MINDY3: variants seen among roughly 807,000 people sequenced by gnomAD.
MINDY3 encodes the protein MINDY lysine 48 deubiquitinase 3.
In MINDY3, 38 loss-of-function variants were observed where a neutral mutation model predicts 69.2. That is an observed-to-expected ratio of 0.55 (90% CI 0.42 to 0.72). The LOEUF is 0.72. MINDY3 is among the 30% of genes least tolerant of loss of function. MINDY3 has a pLI of 0.00. For synonymous variants in MINDY3, 192 were observed against 180.1 expected (o/e 1.07, Z -0.53); for missense variants, 522 against 519.0 (o/e 1.01, Z -0.06).
At chr10:15,833,769 C>A in intron 7 of MINDY3, 60 bp from the exon 8 acceptor site, 1 of 1,072,750 alleles carries the variant, frequency 9.3e-7, no homozygotes, top group Non-Finnish European at 1.4e-6. Context: ...CAAATAATTC[C>A]TACAGCAAAG....
intron 10 of MINDY3, among the ~76,000 whole-genome samples, chr10:15,798,995 T>C (rs1266122378): frequency 1.3e-5 from 2 of 151,958 alleles, no homozygotes; most frequent in Non-Finnish European, 2.9e-5. Flanking sequence ...TGGCAAGCAT[T>C]TTTCTGTAAT....
At chr10:15,838,026 GTTAA>G in intron 5 of MINDY3, 198 bp downstream of exon 5, 1 of 980,194 alleles carries the variant, frequency 1.0e-6, no homozygotes, top group Non-Finnish European at 1.2e-6. Context: ...TATCTGGGTA[GTTAA>G]TTAAGGACTC....
rs140410032 is a variant in MINDY3, at chr10:15,799,864, C to CTGTT, written c.883-3696_883-3693dup. On this transcript the variant is annotated intron_variant, in intron 10 of 14. Coordinates refer to ENST00000277632, the MANE Select transcript of MINDY3 (RefSeq NM_024948.4). ...ATACTTGGCACACTACGAACACTCA[C>CTGTT]TGTTAGCTAACTGCGAGCTTCTCGT... Among the ~76,000 whole-genome samples the CTGTT allele has an allele frequency of 2.2e-4, 33 of 152,252 alleles. No individual in the cohort carries two copies. In the East Asian group the frequency reaches 6.2e-3, roughly 29 times the overall value.
intron 1 of MINDY3, among the ~76,000 whole-genome samples, chr10:15,859,714 G>A (rs149549293): frequency 1.3e-5 from 2 of 152,198 alleles, no homozygotes; most frequent in South Asian, 2.1e-4. Context: ...AGACTACCAC[G>A]CCTAACCACA....
At chr10:15,796,345 C>T (rs368139484) in intron 10 of MINDY3, among the ~76,000 whole-genome samples, 173 bp from the exon 11 acceptor site, 5 of 151,852 alleles carry the variant, frequency 3.3e-5, no homozygotes, top group African/African-American at 1.2e-4. Flanking sequence ...ATTTATTTTA[C>T]GTCTGAAAAG....
chr10:15,823,474 G>A (rs114941459), intron 8 of MINDY3, among the ~76,000 whole-genome samples: 2,345 of 152,194 alleles, frequency 0.015, 49 homozygotes, highest in African/African-American at 0.05. Flanking sequence ...AAGCATTAAA[G>A]GGATTTGCAA....
intron 1 of MINDY3, among the ~76,000 whole-genome samples, chr10:15,853,497 C>A (rs1372522988): frequency 6.6e-6 from 1 of 151,986 alleles, no homozygotes; most frequent in Non-Finnish European, 1.5e-5. Flanking sequence ...CTAAAAAACA[C>A]CCCCATACCC....
chr10:15,837,441 C>A, intron 5 of MINDY3, 123 bp from the exon 6 acceptor site: 6 of 1,262,808 alleles, frequency 4.8e-6, no homozygotes, highest in South Asian at 2.9e-5. Flanking sequence ...AGTTTTGGGA[C>A]GTTTCTAAAT....
At chr10:15,839,393 C>T (rs1446886181) in intron 4 of MINDY3, among the ~76,000 whole-genome samples, 1 of 151,622 alleles carries the variant, frequency 6.6e-6, no homozygotes, top group Non-Finnish European at 1.5e-5. Context: ...ATACACACCA[C>T]ATAAGCCAAT....
intron 6 of MINDY3, among the ~76,000 whole-genome samples, chr10:15,835,320 A>C (rs1350281948): frequency 6.6e-6 from 1 of 152,022 alleles, no homozygotes; most frequent in Non-Finnish European, 1.5e-5. Context: ...ATAAACTGCT[A>C]TTCATTGTTC....
At chr10:15,849,965 G>C (rs764959765) in intron 1 of MINDY3, among the ~76,000 whole-genome samples, 2 of 152,090 alleles carry the variant, frequency 1.3e-5, no homozygotes, top group Non-Finnish European at 2.9e-5. Context: ...TGAATGTTGC[G>C]GGAAGTTAGG....
chr10:15,800,101 A>T (rs573763421), intron 10 of MINDY3, among the ~76,000 whole-genome samples: 2 of 152,168 alleles, frequency 1.3e-5, no homozygotes, highest in Non-Finnish European at 1.5e-5. Context: ...CTTGGAAGAA[A>T]TTTTTCTTGG....
At chr10:15,843,562 A>G (rs1164763788) in intron 2 of MINDY3, among the ~76,000 whole-genome samples, 1 of 152,108 alleles carries the variant, frequency 6.6e-6, no homozygotes, top group Non-Finnish European at 1.5e-5. Context: ...ACTGAAAAGC[A>G]CACAAACTTA....
intron 9 of MINDY3, among the ~76,000 whole-genome samples, chr10:15,820,016 A>G (rs1839646958): frequency 6.6e-6 from 1 of 152,208 alleles, no homozygotes; most frequent in African/African-American, 2.4e-5. Flanking sequence ...ATATGTACCT[A>G]GCAATGTCCC....
intron 2 of MINDY3, among the ~76,000 whole-genome samples, chr10:15,844,523 C>A (rs1167281930): frequency 2.0e-5 from 3 of 152,280 alleles, no homozygotes; most frequent in Non-Finnish European, 4.4e-5. Context: ...TTAATCACTA[C>A]TTGTCTATCA....
intron 1 of MINDY3, among the ~76,000 whole-genome samples, chr10:15,859,337 A>G (rs1448301118): frequency 6.6e-6 from 1 of 152,188 alleles, no homozygotes; most frequent in Non-Finnish European, 1.5e-5. Flanking sequence ...AGTGTTTTAC[A>G]TACATAAATT....
intron 10 of MINDY3, among the ~76,000 whole-genome samples, chr10:15,803,937 G>A (rs1564474239): frequency 6.6e-6 from 1 of 152,072 alleles, no homozygotes; most frequent in Non-Finnish European, 1.5e-5. Flanking sequence ...ATACTTAGGA[G>A]AAAATTTCAA....
At chr10:15,816,758 A>T in intron 10 of MINDY3, 77 bp downstream of exon 10, 1 of 1,038,300 alleles carries the variant, frequency 9.6e-7, no homozygotes, top group Non-Finnish European at 1.5e-6. Flanking sequence ...TTGCACAAAG[A>T]TCCAAACCAA....
chr10:15,824,460 T>G (rs982181168), intron 8 of MINDY3, among the ~76,000 whole-genome samples: 4 of 152,166 alleles, frequency 2.6e-5, no homozygotes, highest in African/African-American at 4.8e-5. Flanking sequence ...AAACATTGAT[T>G]ATTTGCTTTG....
Sources: gnomAD v4.1 joint callset for allele counts (sites outside exome capture counted in the v4.1 genomes callset) on GRCh38, gnomAD v4.1.1 for gene constraint, MANE v1.5 for transcripts, NCBI Gene and HGNC (gene_info 2026-07-23, HGNC 2026-07-21) for gene names.